The following ILDR1 variants were observed in gnomAD, a reference collection of about 807,000 sequenced individuals.
ILDR1 encodes immunoglobulin-like domain-containing receptor 1.
A neutral mutation model predicts 62.4 loss-of-function variants in ILDR1; 56 were observed. The observed-to-expected ratio is 0.90, with a 90% CI of 0.72 to 1.12. ILDR1 has a LOEUF of 1.12. Ranked by LOEUF, ILDR1 falls within the 50% of genes most tolerant of loss-of-function variation. The pLI is 0.00. For missense variants in ILDR1, 736 were observed against 710.6 expected, an observed-to-expected ratio of 1.04 and a Z score of -0.41; for synonymous variants, 284 against 277.8, an observed-to-expected ratio of 1.02 and a Z score of -0.22.
At chr3:122,023,185 A>G (rs983673467), upstream of ILDR1, among the ~76,000 whole-genome samples, 1 of 151,638 alleles carries the variant, frequency 6.6e-6, no homozygotes, top group Non-Finnish European at 1.5e-5. Flanking sequence ...TATTATAAGT[A>G]GGTACATATT....
chr3:122,054,221 TA>T, the ILDR1 span, among the ~76,000 whole-genome samples: 1 of 152,236 alleles, frequency 6.6e-6, no homozygotes, highest in Non-Finnish European at 1.5e-5. Flanking sequence ...CATTTTGGTC[TA>T]AACTAATTTA....
chr3:122,060,693 C>T, the ILDR1 span, among the ~76,000 whole-genome samples: 1 of 151,936 alleles, frequency 6.6e-6, no homozygotes, highest in Admixed American at 6.6e-5. Flanking sequence ...ATTTTTCCCA[C>T]CCAAAACTAG....
chr3:122,027,854 C>T, the ILDR1 span, among the ~76,000 whole-genome samples: 40 of 152,220 alleles, frequency 2.6e-4, no homozygotes, highest in African/African-American at 8.9e-4. Flanking sequence ...GTGAGTACCT[C>T]CAATTTATAG....
At chr3:122,028,368 G>T in the ILDR1 span, among the ~76,000 whole-genome samples, 1 of 148,878 alleles carries the variant, frequency 6.7e-6, no homozygotes, top group African/African-American at 2.5e-5. Flanking sequence ...GAGGAAAACT[G>T]CTTGGTATGG....
the ILDR1 span, among the ~76,000 whole-genome samples, chr3:122,039,606 A>G: frequency 6.6e-6 from 1 of 152,084 alleles, no homozygotes; most frequent in Non-Finnish European, 1.5e-5. Context: ...ATTCATTGCC[A>G]GCAGACATAC....
chr3:121,995,378 G>A (rs1160886561), intron 5 of ILDR1, among the ~76,000 whole-genome samples: 1 of 152,164 alleles, frequency 6.6e-6, no homozygotes, highest in East Asian at 1.9e-4. Context: ...GCAGGGCCAC[G>A]TACAGTAGAA....
At chr3:122,057,901 A>G in the ILDR1 span, among the ~76,000 whole-genome samples, 1 of 152,224 alleles carries the variant, frequency 6.6e-6, no homozygotes, top group Non-Finnish European at 1.5e-5. Context: ...GAGGGAGGAC[A>G]GTGCAGTGGC....
intron 4 of ILDR1, 118 bp from the exon 5 acceptor site, chr3:122,001,572 G>C: frequency 1.4e-6 from 2 of 1,472,292 alleles, no homozygotes; most frequent in Admixed American, 1.7e-5. Flanking sequence ...TTAAAGTTGA[G>C]CAATATACTG....
intron 1 of ILDR1, among the ~76,000 whole-genome samples, chr3:122,017,307 C>G (rs2071790348): frequency 6.6e-6 from 1 of 151,650 alleles, no homozygotes; most frequent in South Asian, 2.1e-4. Context: ...CCTTGGCCTC[C>G]CAAAGTGTTA....
At chr3:122,035,783 C>T in the ILDR1 span, among the ~76,000 whole-genome samples, 1 of 152,184 alleles carries the variant, frequency 6.6e-6, no homozygotes, top group East Asian at 1.9e-4. Flanking sequence ...TACCCAGTCT[C>T]ATGTAGTTCT....
upstream of ILDR1, among the ~76,000 whole-genome samples, chr3:122,027,189 T>G (rs936588671): frequency 1.3e-5 from 2 of 152,174 alleles, no homozygotes; most frequent in Non-Finnish European, 1.5e-5. Context: ...TGAAAACATT[T>G]TTTTTGTTTT....
rs1456436232 is a variant in ILDR1 at position 122,022,247 on chromosome 3, C to A, written c.-170G>T. 4 of 559,812 alleles carry A rather than the reference C, an allele frequency of 7.1e-6. No individual in the cohort carries two copies. The highest frequency in any genetic ancestry group is 1.2e-5 in the Non-Finnish European group (4 of 327,990). 34.7% of individuals were successfully genotyped at this position (559,812 alleles called of 1,614,324 possible). A position where few individuals can be genotyped will look rare whatever the true frequency, so the allele number is the denominator to read the frequency against. On this transcript the variant is annotated 5_prime_UTR_variant, in exon 1 of 8. Coordinates refer to ENST00000344209, the MANE Select transcript of ILDR1 (RefSeq NM_001199799.2). ...CTCTGGTCCCGGGGCAGGTGCCGCC[C>A]GGCTCGTCCCCACCTGCGGCGCTCC...
At chr3:122,004,734 G>T (rs1008239647) in intron 3 of ILDR1, among the ~76,000 whole-genome samples, 2 of 152,222 alleles carry the variant, frequency 1.3e-5, no homozygotes, top group Non-Finnish European at 2.9e-5. Context: ...GCTAGTGAGA[G>T]GAAGCACTAG....
the ILDR1 span, among the ~76,000 whole-genome samples, chr3:122,057,593 A>C: frequency 1.2e-4 from 19 of 152,238 alleles, no homozygotes; most frequent in Non-Finnish European, 2.5e-4. Context: ...AGGCAGAAAA[A>C]TAAAGTTAAA....
rs538190877 is a variant in ILDR1 at position 121,989,735 on chromosome 3, C to T, written c.1600-1327G>A. The stretch of plus-strand genomic sequence containing the variant: ...GAAGATCTTGGCTGGAATCCTGGTT[C>T]TGAAGTTGGGTGGAAGATCCCTCAA... On this transcript the variant is annotated intron_variant, in intron 7 of 7. Transcript: ENST00000344209. Among the ~76,000 whole-genome samples, 9 of 152,294 alleles carry T rather than the reference C, an allele frequency of 5.9e-5. No individual in the cohort carries two copies. In the East Asian group the frequency reaches 1.7e-3, roughly 29 times the overall value.
intron 1 of ILDR1, among the ~76,000 whole-genome samples, chr3:122,019,575 T>C (rs1465010349): frequency 6.6e-6 from 1 of 152,174 alleles, no homozygotes; most frequent in Non-Finnish European, 1.5e-5. Flanking sequence ...GAAGGACTTA[T>C]GCCCAGTATT....
intron 3 of ILDR1, 121 bp downstream of exon 3, chr3:122,005,123 G>A: frequency 1.4e-6 from 1 of 732,616 alleles, no homozygotes; most frequent in East Asian, 2.7e-5. Context: ...CAATGACAGT[G>A]ACCAAGTAGA....
rs2071625283 is a variant in ILDR1 at position 122,007,105 on chromosome 3, C to A, written c.115G>T (p.Ala39Ser). The change falls in exon 2 of 8, where the codon GCC (alanine) becomes TCC (serine). Residue 39 changes from alanine to serine, a missense_variant. By Grantham distance (99) the Ala-to-Ser change is moderately conservative. Transcript: ENST00000344209. ...TAGTCACATTTGAGGATGATAGAGGCAAACAGGGTGACATAGCGTTCTGTG... is the reference window on the plus strand; with the variant it reads ...TAGTCACATTTGAGGATGATAGAGGAAAACAGGGTGACATAGCGTTCTGTG... Reference protein sequence around the residue: ...QHTERYVTLFASIILKCDYTT... With the variant: ...QHTERYVTLFSSIILKCDYTT... 6.2e-7 allele frequency: 1 copy of A among 1,614,136 alleles called. No homozygotes were observed. Among genetic ancestry groups the A allele is most frequent in the Non-Finnish European group, 8.5e-7 (1 of 1,180,004 alleles).
intron 7 of ILDR1, among the ~76,000 whole-genome samples, chr3:121,990,261 C>T (rs1345865051): frequency 2.6e-5 from 4 of 152,212 alleles, no homozygotes; most frequent in Non-Finnish European, 5.9e-5. Context: ...ATTCCAGTTA[C>T]AAACAAAACA....
Sources: allele counts gnomAD v4.1 joint callset (sites outside exome capture counted in the v4.1 genomes callset), GRCh38; gene constraint gnomAD v4.1.1; transcripts MANE v1.5; gene names NCBI Gene and HGNC (gene_info 2026-07-23, HGNC 2026-07-21).